Variants in ME3 observed in about 807,000 individuals in gnomAD.
ME3 encodes NADP-dependent malic enzyme, mitochondrial.
Under a neutral mutation model 68.9 loss-of-function variants are expected in ME3, and 48 were observed. That is an observed-to-expected ratio of 0.70 (90% CI 0.55 to 0.89). The LOEUF is 0.89. ME3 is among the 40% of genes least tolerant of loss of function. The probability of loss-of-function intolerance (pLI) is 0.00; values close to 1 mark genes in which losing one functional copy is unlikely to be tolerated. For missense variants in ME3, 675 were observed against 797.4 expected (o/e 0.85, Z 1.85); for synonymous variants, 320 against 318.8 (o/e 1.00, Z -0.04).
intron 4 of ME3, among the ~76,000 whole-genome samples, chr11:86,523,596 AT>A (rs1210395381): frequency 6.6e-6 from 1 of 152,182 alleles, no homozygotes; most frequent in Non-Finnish European, 1.5e-5. Flanking sequence ...GCAGAAAATA[AT>A]TGTTCCAGTT....
At chr11:86,646,328 T>A (rs759147767) in intron 2 of ME3, among the ~76,000 whole-genome samples, 1 of 152,164 alleles carries the variant, frequency 6.6e-6, no homozygotes, top group Non-Finnish European at 1.5e-5. Context: ...AACTGCTAAC[T>A]AGAATAACCA....
chr11:86,487,512 C>A, intron 6 of ME3, 72 bp from the exon 7 acceptor site: 4 of 1,242,532 alleles, frequency 3.2e-6, no homozygotes, highest in Non-Finnish European at 4.7e-6. Flanking sequence ...AACAAGTATC[C>A]AGGATTATTA....
At chr11:86,543,153 A>G (rs1202539256) in intron 4 of ME3, among the ~76,000 whole-genome samples, 1 of 152,220 alleles carries the variant, frequency 6.6e-6, no homozygotes, top group African/African-American at 2.4e-5. Flanking sequence ...TCCTGGAGGA[A>G]GCATTAAATA....
chr11:86,534,870 T>G (rs1175882737), intron 4 of ME3, among the ~76,000 whole-genome samples: 1 of 152,120 alleles, frequency 6.6e-6, no homozygotes, highest in East Asian at 1.9e-4. Flanking sequence ...GCCCATCTGT[T>G]ACTTGTGTGG....
chr11:86,481,868 C>G (rs1270382775), intron 7 of ME3, among the ~76,000 whole-genome samples: 1 of 152,120 alleles, frequency 6.6e-6, no homozygotes, highest in Non-Finnish European at 1.5e-5. Context: ...ACTGCTGCCA[C>G]CCCTTATTCC....
At chr11:86,528,473 C>G (rs911897637) in intron 4 of ME3, among the ~76,000 whole-genome samples, 7 of 152,170 alleles carry the variant, frequency 4.6e-5, no homozygotes, top group African/African-American at 1.4e-4. Flanking sequence ...CAAGGATACC[C>G]AGGAATTGAA....
At chr11:86,547,239 CAAAAAAA>C (rs1169843852) in intron 4 of ME3, among the ~76,000 whole-genome samples, 7 of 46,004 alleles carry the variant, frequency 1.5e-4, no homozygotes, top group East Asian at 5.3e-4. Flanking sequence ...GACTCCATCT[CAAAAAAA>C]AAAAAAAAAA....
chr11:86,521,431 A>AAAAAAAAAATAATAAT (rs1271326906), intron 4 of ME3, among the ~76,000 whole-genome samples: 2 of 145,924 alleles, frequency 1.4e-5, no homozygotes, highest in Non-Finnish European at 3.0e-5. Flanking sequence ...AACAAAACAA[A>AAAAAAAAAATAATAAT]AATAATAATA....
At chr11:86,508,676 G>A in intron 5 of ME3, 116 bp downstream of exon 5, 1 of 893,302 alleles carries the variant, frequency 1.1e-6, no homozygotes, top group South Asian at 1.5e-5. Context: ...AGGAATGGGA[G>A]GTAGTATGCT....
chr11:86,594,199 T>C (rs1371014817), intron 2 of ME3, among the ~76,000 whole-genome samples: 1 of 147,014 alleles, frequency 6.8e-6, no homozygotes, highest in African/African-American at 2.5e-5. Flanking sequence ...AACTATTTTA[T>C]AACTCCAGTA....
At chr11:86,622,502 C>G (rs1040275502) in intron 2 of ME3, among the ~76,000 whole-genome samples, 21 of 151,896 alleles carry the variant, frequency 1.4e-4, no homozygotes, top group Admixed American at 1.2e-3. Flanking sequence ...CTGATTCAGT[C>G]AAAGGTGAGG....
intron 2 of ME3, among the ~76,000 whole-genome samples, chr11:86,569,469 C>T (rs766292207): frequency 2.8e-4 from 42 of 152,312 alleles, no homozygotes; most frequent in South Asian, 1.7e-3. Context: ...ACACAGCTCT[C>T]CCCCTTCTCT....
intron 2 of ME3, among the ~76,000 whole-genome samples, chr11:86,574,153 C>T (rs1295655070): frequency 6.6e-6 from 1 of 152,160 alleles, no homozygotes; most frequent in South Asian, 2.1e-4. Context: ...GGTTAGAACA[C>T]GTACCTTTAG....
intron 2 of ME3, among the ~76,000 whole-genome samples, chr11:86,598,521 G>T (rs1414394556): frequency 6.6e-6 from 1 of 152,206 alleles, no homozygotes; most frequent in Admixed American, 6.5e-5. Flanking sequence ...TCTGGGGGCA[G>T]GGCACAGACA....
At chr11:86,555,161 A>G (rs1594424866) in intron 4 of ME3, among the ~76,000 whole-genome samples, 1 of 152,190 alleles carries the variant, frequency 6.6e-6, no homozygotes, top group South Asian at 2.1e-4. Context: ...TTGGGCATGG[A>G]GAACAGATCA....
intron 8 of ME3, among the ~76,000 whole-genome samples, chr11:86,460,024 C>T (rs1037918518): frequency 1.3e-5 from 2 of 152,208 alleles, no homozygotes; most frequent in Non-Finnish European, 2.9e-5. Flanking sequence ...CCTTGTGTGG[C>T]TCTCCTTCCT....
rs375354411 is a variant in ME3, at chr11:86,665,113, G to A, written c.183+6649C>T. 1.8e-4 allele frequency among the ~76,000 whole-genome samples: 28 copies of A among 152,304 alleles called. No homozygotes were observed. The East Asian group carries it at 4.4e-3, about 24-fold the overall frequency. ...TAGCAGATGTCTCTTTGAATGACTC[G>A]CTCATTCACTAACTGCTTACGAGCA... On this transcript the variant is annotated intron_variant, in intron 2 of 14. Coordinates refer to ENST00000543262, the Ensembl canonical transcript of ME3.
intron 2 of ME3, among the ~76,000 whole-genome samples, chr11:86,606,637 C>T (rs1332106333): frequency 6.6e-6 from 1 of 152,190 alleles, no homozygotes; most frequent in East Asian, 1.9e-4. Context: ...CATGTTCTTA[C>T]ATGGGCATAA....
At chr11:86,559,506 G>C (rs1442614635) in intron 3 of ME3, among the ~76,000 whole-genome samples, 184 bp downstream of exon 3, 3 of 152,180 alleles carry the variant, frequency 2.0e-5, no homozygotes, top group Non-Finnish European at 4.4e-5. Flanking sequence ...CTGTGTCTCA[G>C]TCATAACAAG....
Sources: allele counts gnomAD v4.1 joint callset (sites outside exome capture counted in the v4.1 genomes callset), GRCh38; gene constraint gnomAD v4.1.1; transcripts MANE v1.5; gene names NCBI Gene and HGNC (gene_info 2026-07-23, HGNC 2026-07-21).